Variants in SMC1B observed in about 807,000 individuals in gnomAD.
The protein encoded by SMC1B is structural maintenance of chromosomes protein 1B.
A neutral mutation model predicts 157.9 loss-of-function variants in SMC1B; 60 were observed. The observed-to-expected ratio is 0.38, with a 90% CI of 0.31 to 0.47. The LOEUF (loss-of-function observed/expected upper bound fraction) is 0.47, where lower values mean the gene tolerates loss of function less well. Among genes scored for constraint, SMC1B ranks in the 20% least tolerant of loss-of-function variants. The probability of loss-of-function intolerance (pLI) is 0.99; values close to 1 mark genes in which losing one functional copy is unlikely to be tolerated. For missense variants in SMC1B, 1,165 were observed against 1,426.2 expected (o/e 0.82, Z 2.95); for synonymous variants, 445 against 483.0 (o/e 0.92, Z 1.03).
chr22:45,344,707 A>G, intron 24 of SMC1B, 50 bp from the exon 25 acceptor site: 1 of 1,293,538 alleles, frequency 7.7e-7, no homozygotes, highest in Non-Finnish European at 1.1e-6. Context: ...GGGAAAAAGT[A>G]TTATTAAAGT....
chr22:45,389,293 C>A (rs1191179952), intron 10 of SMC1B, among the ~76,000 whole-genome samples: 1 of 152,166 alleles, frequency 6.6e-6, no homozygotes, highest in East Asian at 1.9e-4. Flanking sequence ...TACCTCAAGG[C>A]TCAAAATTTA....
intron 5 of SMC1B, 112 bp from the exon 6 acceptor site, chr22:45,399,465 T>G: frequency 9.6e-7 from 1 of 1,040,092 alleles, no homozygotes; most frequent in Non-Finnish European, 1.4e-6. Flanking sequence ...AAATCAACTT[T>G]CAGAGACTGT....
chr22:45,344,367 TC>T lies in SMC1B; in HGVS notation c.*188del, dbSNP rs1166670150. 6 of 411,350 alleles carry T rather than the reference TC, an allele frequency of 1.5e-5. No homozygotes were observed. Among genetic ancestry groups the T allele is most frequent in the African/African-American group, 1.2e-4 (6 of 49,290 alleles). 25.5% of individuals were successfully genotyped at this position (411,350 alleles called of 1,614,324 possible). Reference sequence around the variant, plus strand: ...TGACACCAGCTCTCACTGAAAACTTTCCCTACTAGAATGAGGTCTGAACACT... The same window carrying T: ...TGACACCAGCTCTCACTGAAAACTTTCCTACTAGAATGAGGTCTGAACACT... On this transcript the variant is annotated 3_prime_UTR_variant, in exon 25 of 25. Coordinates refer to ENST00000357450, the MANE Select transcript of SMC1B (RefSeq NM_148674.5).
At chr22:45,358,844 A>T (rs1487933141) in intron 18 of SMC1B, 49 bp from the exon 19 acceptor site, 2 of 1,379,706 alleles carry the variant, frequency 1.4e-6, no homozygotes, top group African/African-American at 2.9e-5. Flanking sequence ...TTGTTGTCTT[A>T]TATGGGAGTG....
At chr22:45,354,202 T>C in intron 20 of SMC1B, 70 bp from the exon 21 acceptor site, 2 of 1,226,524 alleles carry the variant, frequency 1.6e-6, no homozygotes, top group Non-Finnish European at 2.2e-6. Context: ...CTGTAAAGCA[T>C]AAAATATTTT....
chr22:45,345,600 G>A (rs760243039), intron 23 of SMC1B, 31 bp from the exon 24 acceptor site: 7 of 1,344,510 alleles, frequency 5.2e-6, no homozygotes, highest in Non-Finnish European at 6.4e-6. Context: ...CATTTCACTA[G>A]GAAGGAAAGG....
rs1241884318 is a variant in SMC1B at position 45,383,543 on chromosome 22, T to A, written c.1982A>T (p.Tyr661Phe). 1 of 1,610,706 alleles carries A rather than the reference T, an allele frequency of 6.2e-7. No individual in the cohort carries two copies. Among genetic ancestry groups the A allele is most frequent in the Admixed American group, 1.7e-5 (1 of 58,818 alleles). Residue 661 changes from tyrosine (Y) to phenylalanine (F), a missense_variant, in exon 12 of 25, where the codon TAC (tyrosine) becomes TTC (phenylalanine). Tyr to Phe is a conservative substitution (Grantham distance 22, BLOSUM62 3). Coordinates refer to ENST00000357450, the MANE Select transcript of SMC1B (RefSeq NM_148674.5). ...VISGGSSDLK[Y>F]KARCWDEKEL... ...TTTCTCATCCCAGCATCTAGCCTTG[T>A]ATTTTAAGTCACTTGACCCTCCAGA...
At chr22:45,345,769 A>G (rs2086545070) in intron 23 of SMC1B, among the ~76,000 whole-genome samples, 200 bp from the exon 24 acceptor site, 1 of 152,210 alleles carries the variant, frequency 6.6e-6, no homozygotes, top group Non-Finnish European at 1.5e-5. Context: ...TAAACCTATG[A>G]TCTAAAACTT....
chr22:45,377,883 C>G (rs1037989879), intron 12 of SMC1B, among the ~76,000 whole-genome samples: 2 of 151,680 alleles, frequency 1.3e-5, no homozygotes, highest in African/African-American at 4.8e-5. Flanking sequence ...GGGTCTCCTT[C>G]TGTTACCCAG....
At chr22:45,386,761 G>T in intron 11 of SMC1B, 106 bp downstream of exon 11, 1 of 993,160 alleles carries the variant, frequency 1.0e-6, no homozygotes, top group Non-Finnish European at 1.4e-6. Flanking sequence ...TTAGAAAAAA[G>T]AACACATAAA....
At chr22:45,374,062 A>C (rs1270076133) in intron 12 of SMC1B, among the ~76,000 whole-genome samples, 1 of 151,250 alleles carries the variant, frequency 6.6e-6, no homozygotes, top group Admixed American at 6.6e-5. Context: ...ATAAGAGAGA[A>C]GTAAAGAAAG....
Position 45,344,396 on chromosome 22 carries a change from A to G in SMC1B, c.*160T>C, listed in dbSNP as rs2086529148. 1.9e-6 allele frequency: 1 copy of G among 529,550 alleles called. No individual in the cohort carries two copies. Among genetic ancestry groups the G allele is most frequent in the Non-Finnish European group, 3.4e-6 (1 of 293,428 alleles). 32.8% of individuals were successfully genotyped at this position (529,550 alleles called of 1,614,324 possible). On this transcript the variant is annotated 3_prime_UTR_variant, in exon 25 of 25. Coordinates refer to ENST00000357450, the MANE Select transcript of SMC1B (RefSeq NM_148674.5). The stretch of plus-strand genomic sequence containing the variant: ...TACTAGAATGAGGTCTGAACACTCA[A>G]CTAAAGTGAGCCACAGCCTCTTTGG...
intron 16 of SMC1B, among the ~76,000 whole-genome samples, chr22:45,362,353 T>G (rs149387964): frequency 5.9e-5 from 9 of 152,338 alleles, no homozygotes; most frequent in African/African-American, 2.2e-4. Flanking sequence ...CCTGAAACTC[T>G]GGGGCTTCTG....
At chr22:45,411,901 CAG>C (rs1368794823) in intron 1 of SMC1B, among the ~76,000 whole-genome samples, 2 of 145,898 alleles carry the variant, frequency 1.4e-5, no homozygotes, top group Admixed American at 6.8e-5. Context: ...TTTGTTGAGA[CAG>C]AGTCTTGCTC....
At chr22:45,383,670 A>T (rs2086961185) in intron 11 of SMC1B, 57 bp from the exon 12 acceptor site, 6 of 1,436,162 alleles carry the variant, frequency 4.2e-6, no homozygotes, top group Non-Finnish European at 5.6e-6. Context: ...ACAAATAAAG[A>T]CACAATGTGT....
chr22:45,349,049 C>G (rs1245669025), intron 23 of SMC1B, among the ~76,000 whole-genome samples: 1 of 131,914 alleles, frequency 7.6e-6, no homozygotes, highest in African/African-American at 3.0e-5. Flanking sequence ...GACAGAGTCT[C>G]TGTCGCTCAG....
At chr22:45,383,403 C>T in intron 12 of SMC1B, 64 bp downstream of exon 12, 1 of 1,265,642 alleles carries the variant, frequency 7.9e-7, no homozygotes, top group Non-Finnish European at 1.1e-6. Flanking sequence ...TATAAAAAAC[C>T]CACCTAGTTT....
At chr22:45,370,095 G>T in intron 14 of SMC1B, 35 bp from the exon 15 acceptor site, 1 of 1,181,316 alleles carries the variant, frequency 8.5e-7, no homozygotes, top group Non-Finnish European at 1.2e-6. Flanking sequence ...GATTTAATAA[G>T]CAATTTTAAG....
Position 45,383,558 on chromosome 22 carries a change from G to A in SMC1B, c.1967C>T (p.Ser656Leu), listed in dbSNP as rs771564188. 6 of 1,609,404 alleles carry A rather than the reference G, an allele frequency of 3.7e-6. No homozygotes were observed. The highest frequency in any genetic ancestry group is 1.1e-5 in the South Asian group (1 of 90,520). ...TCTAGCCTTGTATTTTAAGTCACTT[G>A]ACCCTCCAGAGATCACTCCAGATTT... ...FLKSGVISGG[S>L]SDLKYKARCW... Residue 656 changes from serine to leucine, a missense_variant, in exon 12 of 25, where the codon TCA becomes TTA. Ser to Leu is a moderately radical substitution (Grantham distance 145). Coordinates refer to ENST00000357450, the MANE Select transcript of SMC1B (RefSeq NM_148674.5).
Sources: gnomAD v4.1 joint callset for allele counts (sites outside exome capture counted in the v4.1 genomes callset) on GRCh38, gnomAD v4.1.1 for gene constraint, MANE v1.5 for transcripts, NCBI Gene and HGNC (gene_info 2026-07-23, HGNC 2026-07-21) for gene names.